The following UGT1A10 variants were observed in gnomAD, a reference collection of about 807,000 sequenced individuals.
The protein encoded by UGT1A10 is UDP glucuronosyltransferase family 1 member A10.
In UGT1A10, 49 loss-of-function variants were observed where a neutral mutation model predicts 45.8. The observed-to-expected ratio is 1.07, with a 90% CI of 0.85 to 1.36. The LOEUF (loss-of-function observed/expected upper bound fraction) is 1.36. Among genes scored for constraint, UGT1A10 ranks in the 40% most tolerant of loss-of-function variants. The pLI is 0.00. For synonymous variants in UGT1A10, 284 were observed against 249.7 expected (o/e 1.14, Z -1.29); for missense variants, 745 against 668.6 (o/e 1.11, Z -1.26).
chr2:233,652,522 C>T (rs1280019651), intron 1 of UGT1A10, among the ~76,000 whole-genome samples: 1 of 152,196 alleles, frequency 6.6e-6, no homozygotes, highest in African/African-American at 2.4e-5. Context: ...TACATAGCCA[C>T]AATATCATTA....
At chr2:233,739,371 G>C (rs1691070576) in intron 1 of UGT1A10, among the ~76,000 whole-genome samples, 1 of 152,184 alleles carries the variant, frequency 6.6e-6, no homozygotes. Flanking sequence ...AGCTTGCACT[G>C]TGTGCCTGGA....
intron 1 of UGT1A10, among the ~76,000 whole-genome samples, chr2:233,661,077 T>A (rs938731215): frequency 7.9e-5 from 12 of 152,144 alleles, no homozygotes; most frequent in African/African-American, 2.9e-4. Context: ...AAAAGCTGCA[T>A]TTTTTATAAT....
At chr2:233,644,034 G>C (rs1033734686) in intron 1 of UGT1A10, among the ~76,000 whole-genome samples, 10 of 152,134 alleles carry the variant, frequency 6.6e-5, no homozygotes, top group African/African-American at 2.4e-4. Context: ...AGTGATGTCG[G>C]TACTCCCTTG....
intron 1 of UGT1A10, among the ~76,000 whole-genome samples, chr2:233,673,233 T>C (rs1330097402): frequency 2.6e-5 from 4 of 152,208 alleles, no homozygotes; most frequent in Admixed American, 2.6e-4. Context: ...AGTATTGGGC[T>C]GGACATATTC....
chr2:233,715,554 T>C (rs952173326), intron 1 of UGT1A10, among the ~76,000 whole-genome samples: 2 of 152,138 alleles, frequency 1.3e-5, no homozygotes, highest in African/African-American at 2.4e-5. Context: ...GGAGGATTGC[T>C]TGAGCCCAGG....
At chr2:233,763,181 G>A (rs1559409754) in intron 1 of UGT1A10, among the ~76,000 whole-genome samples, 1 of 152,170 alleles carries the variant, frequency 6.6e-6, no homozygotes. Flanking sequence ...CTACATATTT[G>A]TTGTTGCCTT....
chr2:233,668,259 A>G (rs2074117652), intron 1 of UGT1A10, among the ~76,000 whole-genome samples: 1 of 152,058 alleles, frequency 6.6e-6, no homozygotes, highest in Non-Finnish European at 1.5e-5. Flanking sequence ...CCTGTGTCCA[A>G]GTGTTCTCAT....
At chr2:233,699,090 T>C (rs2075483831) in intron 1 of UGT1A10, among the ~76,000 whole-genome samples, 1 of 152,200 alleles carries the variant, frequency 6.6e-6, no homozygotes, top group Non-Finnish European at 1.5e-5. Context: ...TCTAGCCCTG[T>C]GCACCTCATC....
chr2:233,760,716 C>T (rs1697538425), intron 1 of UGT1A10: 9 of 1,614,218 alleles, frequency 5.6e-6, no homozygotes, highest in East Asian at 2.2e-5. Context: ...TGGCAGAAAG[C>T]AGCTTTGATG....
At chr2:233,646,225 C>T (rs1273279603) in intron 1 of UGT1A10, among the ~76,000 whole-genome samples, 1 of 152,164 alleles carries the variant, frequency 6.6e-6, no homozygotes, top group Middle Eastern at 3.2e-3. Context: ...AGCAGGGGGC[C>T]CTGGGCCTGT....
At chr2:233,660,885 G>T (rs2073948778) in intron 1 of UGT1A10, among the ~76,000 whole-genome samples, 1 of 152,042 alleles carries the variant, frequency 6.6e-6, no homozygotes, top group African/African-American at 2.4e-5. Context: ...CTGTTATCTT[G>T]AGATTTTTAA....
intron 1 of UGT1A10, chr2:233,648,059 A>T: frequency 6.3e-7 from 1 of 1,576,364 alleles, no homozygotes; most frequent in Non-Finnish European, 8.6e-7. Flanking sequence ...TGCACAGTGA[A>T]GACTTCTTCA....
intron 1 of UGT1A10, chr2:233,754,604 C>T (rs1227545131): frequency 6.9e-6 from 3 of 433,838 alleles, no homozygotes; most frequent in Non-Finnish European, 1.4e-5. Context: ...TTTAACTCAA[C>T]TCTCCATCTT....
intron 1 of UGT1A10, chr2:233,648,946 T>C: frequency 6.3e-6 from 9 of 1,436,268 alleles, no homozygotes; most frequent in Non-Finnish European, 8.7e-6. Context: ...GGACTTTGTT[T>C]TGGAGTATCC....
At chr2:233,748,791 G>A (rs576937034) in intron 1 of UGT1A10, among the ~76,000 whole-genome samples, 1 of 151,524 alleles carries the variant, frequency 6.6e-6, no homozygotes, top group Admixed American at 6.6e-5. Flanking sequence ...TACTTGGAAT[G>A]CTGAAATTAT....
Position 233,706,887 on chromosome 2 carries a change from T to C in UGT1A10, c.856-60147T>C, listed in dbSNP as rs191492474. ...TAGACCTGGCACTTCCCAGCTCTGGTTGGAGGCATTTTACAATCCTAGCTG... is the reference window on the plus strand; with the variant it reads ...TAGACCTGGCACTTCCCAGCTCTGGCTGGAGGCATTTTACAATCCTAGCTG... On this transcript the variant is annotated intron_variant, in intron 1 of 4. Coordinates refer to ENST00000344644, the MANE Select transcript of UGT1A10 (RefSeq NM_019075.4). Among the ~76,000 whole-genome samples the C allele has an allele frequency of 4.6e-5, 7 of 152,310 alleles. No individual in the cohort carries two copies. In the East Asian group the frequency reaches 1.3e-3, roughly 29 times the overall value.
intron 1 of UGT1A10, among the ~76,000 whole-genome samples, chr2:233,746,337 C>A (rs1693368199): frequency 6.6e-6 from 1 of 151,668 alleles, no homozygotes; most frequent in Admixed American, 6.6e-5. Context: ...GGGCAATGGA[C>A]ATGTTTATGT....
At chr2:233,672,015 G>A (rs1320127609) in intron 1 of UGT1A10, 1 of 1,614,164 alleles carries the variant, frequency 6.2e-7, no homozygotes, top group Non-Finnish European at 8.5e-7. Context: ...AGGCAGGGAA[G>A]CTACTGGTAG....
At chr2:233,762,035 T>C (rs960173120) in intron 1 of UGT1A10, among the ~76,000 whole-genome samples, 7 of 152,218 alleles carry the variant, frequency 4.6e-5, no homozygotes, top group African/African-American at 1.4e-4. Flanking sequence ...TTTTTTTTAA[T>C]TTTCTGTGCA....
Sources: gnomAD v4.1 joint callset for allele counts (sites outside exome capture counted in the v4.1 genomes callset) on GRCh38, gnomAD v4.1.1 for gene constraint, MANE v1.5 for transcripts, NCBI Gene and HGNC (gene_info 2026-07-23, HGNC 2026-07-21) for gene names.